Variants in TRDN observed in about 807,000 individuals in gnomAD.
TRDN encodes the protein triadin.
Under a neutral mutation model 149.7 loss-of-function variants are expected in TRDN, and 161 were observed. The observed-to-expected ratio is 1.08, with a 90% CI of 0.95 to 1.23. The LOEUF (loss-of-function observed/expected upper bound fraction) is 1.23. Among genes scored for constraint, TRDN ranks in the 50% most tolerant of loss-of-function variants. TRDN has a pLI of 0.00. For synonymous variants in TRDN, 294 were observed against 250.5 expected (o/e 1.17, Z -1.64); for missense variants, 896 against 823.5 (o/e 1.09, Z -1.08).
At chr6:123,448,900 T>C (rs1036391732) in intron 10 of TRDN, among the ~76,000 whole-genome samples, 28 of 152,148 alleles carry the variant, frequency 1.8e-4, no homozygotes, top group African/African-American at 6.5e-4. Context: ...AACAGGACTC[T>C]GTGCAGACAA....
intron 40 of TRDN, 28 bp downstream of exon 40, chr6:123,221,459 A>G (rs1388804712): frequency 4.7e-6 from 7 of 1,482,754 alleles, no homozygotes; most frequent in Non-Finnish European, 3.7e-6. Flanking sequence ...AGAATGATTT[A>G]TTACTTTTAA....
rs1471427271 is a variant in TRDN, at chr6:123,265,442, ATAAGAC to A, written c.1784-110_1784-105del. ...CCTATTTTTGCTTTTTATTGTAAAA[ATAAGAC>A]TAAACTTATATCAACAATGAACAGT... On this transcript the variant is annotated intron_variant, in intron 32 of 40. Coordinates refer to ENST00000334268, the MANE Select transcript of TRDN (RefSeq NM_006073.4). 1.4e-5 allele frequency: 10 copies of A among 691,250 alleles called. No homozygotes were observed. In the East Asian group the frequency reaches 2.9e-4, roughly 20 times the overall value. The allele number at this position is 691,250 out of a possible 1,614,324, so 42.8% of individuals were successfully genotyped here.
chr6:123,467,079 C>A (rs1035390820), intron 9 of TRDN, among the ~76,000 whole-genome samples: 20 of 151,826 alleles, frequency 1.3e-4, no homozygotes, highest in African/African-American at 4.8e-4. Flanking sequence ...TTATTATATA[C>A]CAGCACCAAA....
chr6:123,396,083 T>C (rs745808016), intron 12 of TRDN, among the ~76,000 whole-genome samples: 1 of 152,174 alleles, frequency 6.6e-6, no homozygotes, highest in Non-Finnish European at 1.5e-5. Context: ...ATTTTCAAAA[T>C]TGCATGACAT....
intron 1 of TRDN, 138 bp downstream of exon 1, chr6:123,636,616 T>C: frequency 1.0e-6 from 1 of 973,358 alleles, no homozygotes; most frequent in Non-Finnish European, 1.6e-6. Flanking sequence ...AATCCACTTC[T>C]CAGATCCTGT....
At chr6:123,353,457 T>A (rs960754753) in intron 20 of TRDN, among the ~76,000 whole-genome samples, 1 of 151,902 alleles carries the variant, frequency 6.6e-6, no homozygotes, top group South Asian at 2.1e-4. Context: ...ATATACAGTA[T>A]CATCTCTAAA....
At chr6:123,356,967 T>C (rs1174661917) in intron 20 of TRDN, among the ~76,000 whole-genome samples, 2 of 151,750 alleles carry the variant, frequency 1.3e-5, no homozygotes, top group Non-Finnish European at 3.0e-5. Flanking sequence ...GATTTCTAAA[T>C]AAATAGCTTT....
intron 5 of TRDN, among the ~76,000 whole-genome samples, chr6:123,516,770 A>G (rs1423713136): frequency 1.3e-5 from 2 of 152,120 alleles, no homozygotes; most frequent in Non-Finnish European, 2.9e-5. Context: ...TTATTACAAC[A>G]GGACTAAAAT....
At position 123,300,629 on chromosome 6, in the gene TRDN, T is replaced by C. The variant is rs762812610; in HGVS notation, c.1510+15828A>G. On this transcript the variant is annotated intron_variant, in intron 24 of 40. Transcript: ENST00000334268. The stretch of plus-strand genomic sequence containing the variant: ...CTAAGAAATAGTTCTTCTAAGCTCC[T>C]GAAGATAAATTCAATCAGAAGAAGA... Among the ~76,000 whole-genome samples, 30 of 151,902 alleles carry C rather than the reference T, an allele frequency of 2.0e-4. 2 individuals carry two copies. The highest frequency in any genetic ancestry group is 1.6e-3 in the Admixed American group (24 of 15,200).
chr6:123,375,657 T>G, intron 18 of TRDN, 26 bp from the exon 19 acceptor site: 3 of 1,503,744 alleles, frequency 2.0e-6, no homozygotes, highest in Non-Finnish European at 2.7e-6. Flanking sequence ...AATAATAAGG[T>G]CAACAGTAAT....
At chr6:123,293,569 AC>A (rs1778084969) in intron 24 of TRDN, among the ~76,000 whole-genome samples, 1 of 152,076 alleles carries the variant, frequency 6.6e-6, no homozygotes, top group African/African-American at 2.4e-5. Flanking sequence ...AGGTAGGAGT[AC>A]CCCCCTTCTG....
At chr6:123,221,211 C>G (rs1775135485) in intron 40 of TRDN, among the ~76,000 whole-genome samples, 2 of 151,688 alleles carry the variant, frequency 1.3e-5, no homozygotes, top group Admixed American at 1.3e-4. Flanking sequence ...ATAGATTCAG[C>G]CAGAGTACTA....
chr6:123,500,592 G>C (rs949531578), intron 8 of TRDN, among the ~76,000 whole-genome samples: 2 of 152,016 alleles, frequency 1.3e-5, no homozygotes, highest in Non-Finnish European at 2.9e-5. Flanking sequence ...GCTCATCATT[G>C]TAAGTACTTT....
At chr6:123,472,521 G>A (rs916589307) in intron 9 of TRDN, among the ~76,000 whole-genome samples, 4 of 152,346 alleles carry the variant, frequency 2.6e-5, no homozygotes, top group Admixed American at 1.3e-4. Context: ...GCCCGCCATT[G>A]CCCAGGCTTT....
At chr6:123,625,837 G>T (rs767519327) in intron 1 of TRDN, among the ~76,000 whole-genome samples, 3 of 152,148 alleles carry the variant, frequency 2.0e-5, no homozygotes, top group Non-Finnish European at 4.4e-5. Context: ...TGAAGGTCTT[G>T]CCTTAATATT....
intron 38 of TRDN, among the ~76,000 whole-genome samples, chr6:123,233,706 T>C (rs1210781201): frequency 6.6e-6 from 1 of 152,088 alleles, no homozygotes; most frequent in African/African-American, 2.4e-5. Context: ...CTTCAGCCAA[T>C]TTTTTCTCCT....
chr6:123,281,842 A>C (rs1468320857), intron 24 of TRDN, among the ~76,000 whole-genome samples: 1 of 152,030 alleles, frequency 6.6e-6, no homozygotes, highest in Non-Finnish European at 1.5e-5. Flanking sequence ...GCATTCACAT[A>C]ACATCTCTCT....
intron 10 of TRDN, chr6:123,441,002 T>C (rs1407334868): frequency 8.9e-6 from 1 of 112,270 alleles, no homozygotes; most frequent in Non-Finnish European, 1.8e-5. Flanking sequence ...AAATGCAGAT[T>C]AATGTCCTTT....
chr6:123,505,244 CAAAAAAAAAAAAA>C (rs34096424), intron 7 of TRDN, among the ~76,000 whole-genome samples: 35 of 77,050 alleles, frequency 4.5e-4, no homozygotes, highest in East Asian at 2.9e-3. Context: ...AACTCTGTCT[CAAAAAAAAAAAAA>C]AAAAAAAAAA....
Sources: allele counts gnomAD v4.1 joint callset (sites outside exome capture counted in the v4.1 genomes callset), GRCh38; gene constraint gnomAD v4.1.1; transcripts MANE v1.5; gene names NCBI Gene and HGNC (gene_info 2026-07-23, HGNC 2026-07-21).